APOO: variants seen among roughly 807,000 people sequenced by gnomAD.
APOO encodes the protein apolipoprotein O.
A neutral mutation model predicts 23.1 loss-of-function variants in APOO; 11 were observed. The ratio of observed to expected loss-of-function variants is 0.48; its 90% confidence interval spans 0.30 to 0.79. The LOEUF is 0.79. Among genes scored for constraint, APOO ranks in the 30% least tolerant of loss-of-function variants. The pLI is 0.07. For synonymous variants in APOO, 59 were observed against 54.8 expected, an observed-to-expected ratio of 1.08 and a Z score of -0.34; for missense variants, 160 against 142.7, an observed-to-expected ratio of 1.12 and a Z score of -0.62.
At chrX:23,885,671 T>C (rs1394559917) in intron 1 of APOO, among the ~76,000 whole-genome samples, 1 of 110,672 alleles carries the variant, frequency 9.0e-6, no homozygotes, top group Non-Finnish European at 1.9e-5. Flanking sequence ...CTAGTTTTAA[T>C]ATTATTCTAG....
At chrX:23,840,103 T>C (rs1465247971) in intron 8 of APOO, 1 of 274,324 alleles carries the variant, frequency 3.6e-6, no homozygotes, top group Non-Finnish European at 6.4e-6. Flanking sequence ...TGTCTGGTTC[T>C]AGCTTGTCTA....
chrX:23,891,146 T>A (rs747968214), intron 1 of APOO, among the ~76,000 whole-genome samples: 1 of 111,418 alleles, frequency 9.0e-6, no homozygotes, highest in East Asian at 2.8e-4. Flanking sequence ...TCTGCATAGC[T>A]CTTCAAGGTT....
At chrX:23,864,395 C>T (rs6629754) in intron 5 of APOO, among the ~76,000 whole-genome samples, 3 of 109,453 alleles carry the variant, frequency 2.7e-5, no homozygotes, top group South Asian at 7.9e-4. Context: ...CTCTGCCTCC[C>T]GGGTTCAAGT....
intron 7 of APOO, among the ~76,000 whole-genome samples, chrX:23,842,459 T>C (rs1411968292): frequency 9.0e-6 from 1 of 111,675 alleles, no homozygotes; most frequent in Non-Finnish European, 1.9e-5. Flanking sequence ...TGGGTTTCTA[T>C]TTTCTTAACA....
chrX:23,862,849 G>C (rs1925134335), intron 5 of APOO, among the ~76,000 whole-genome samples: 1 of 76,526 alleles, frequency 1.3e-5, no homozygotes, highest in Non-Finnish European at 2.5e-5. Flanking sequence ...AGGGAAGGGA[G>C]AAGGAGGGAG....
intron 1 of APOO, among the ~76,000 whole-genome samples, chrX:23,907,476 C>T (rs58120097): frequency 1.8e-3 from 201 of 112,557 alleles, no homozygotes; most frequent in African/African-American, 6.0e-3. Flanking sequence ...CAAAGGGCCG[C>T]CCCCACCCAC....
At chrX:23,835,851 G>A (rs1923640428) in intron 8 of APOO, among the ~76,000 whole-genome samples, 1 of 112,228 alleles carries the variant, frequency 8.9e-6, no homozygotes, top group Non-Finnish European at 1.9e-5. Flanking sequence ...TTCGGCCACA[G>A]CCAGAACATG....
intron 5 of APOO, among the ~76,000 whole-genome samples, chrX:23,867,113 CG>C (rs1925373942): frequency 2.2e-5 from 1 of 44,754 alleles, no homozygotes; most frequent in African/African-American, 2.1e-4. Flanking sequence ...TTAAGCTAAA[CG>C]AAACGAAACG....
intron 5 of APOO, among the ~76,000 whole-genome samples, 167 bp downstream of exon 5, chrX:23,868,426 T>C (rs1359990466): frequency 3.6e-5 from 4 of 112,360 alleles, no homozygotes; most frequent in African/African-American, 1.3e-4. Context: ...ACAATTTCTA[T>C]TTATGTTTAA....
chrX:23,844,662 AG>A (rs1419425885), intron 7 of APOO, among the ~76,000 whole-genome samples: 1 of 111,766 alleles, frequency 8.9e-6, no homozygotes, highest in Non-Finnish European at 1.9e-5. Flanking sequence ...ATTCCCCCCT[AG>A]GGCCTCTAGA....
In APOO at chrX:23,880,939, G is replaced by T; in HGVS notation, c.23C>A (p.Ser8Tyr). 8.5e-7 allele frequency: 1 copy of T among 1,179,120 alleles called. No individual in the cohort carries two copies. The highest frequency in any genetic ancestry group is 2.4e-5 in the Admixed American group (1 of 41,308). ...CAAGCTCAGGCTGGCTGGCCCCACG[G>T]ACCTCTGAATTACCTGAAATGCAGA... MFKVIQR[S>Y]VGPASLSLLT... The change falls in exon 2 of 9, where the codon TCC (serine) becomes TAC (tyrosine). Residue 8 changes from serine (S) to tyrosine (Y), a missense_variant. Coordinates refer to ENST00000379226, the MANE Select transcript of APOO (RefSeq NM_024122.5).
At chrX:23,834,193 G>A (rs1391493406) in intron 8 of APOO, among the ~76,000 whole-genome samples, 1 of 108,805 alleles carries the variant, frequency 9.2e-6, no homozygotes, top group Non-Finnish European at 1.9e-5. Context: ...TCAGGAGTTC[G>A]AGACCAGCCT....
chrX:23,872,732 A>G (rs1005690506), intron 4 of APOO, among the ~76,000 whole-genome samples: 1 of 110,537 alleles, frequency 9.0e-6, no homozygotes, highest in African/African-American at 3.3e-5. Context: ...AATACCTAAA[A>G]GAGTATAGCT....
At chrX:23,887,971 C>T (rs1926447591) in intron 1 of APOO, among the ~76,000 whole-genome samples, 1 of 112,014 alleles carries the variant, frequency 8.9e-6, no homozygotes, top group African/African-American at 3.2e-5. Context: ...CCCATAGTCA[C>T]AGAGAAAACG....
chrX:23,884,785 G>A (rs1337488533), intron 1 of APOO, among the ~76,000 whole-genome samples: 2 of 111,331 alleles, frequency 1.8e-5, no homozygotes, highest in Non-Finnish European at 1.9e-5. Flanking sequence ...TAGATTTTAA[G>A]TGACCTTGGG....
intron 4 of APOO, among the ~76,000 whole-genome samples, chrX:23,872,565 G>A (rs12835335): frequency 6.3e-4 from 64 of 102,301 alleles, no homozygotes; most frequent in Non-Finnish European, 1.2e-3. Flanking sequence ...TGGGTACATA[G>A]TAGGTGTATA....
chrX:23,852,708 A>T (rs1032103776), intron 7 of APOO, among the ~76,000 whole-genome samples: 1 of 111,191 alleles, frequency 9.0e-6, no homozygotes, highest in Non-Finnish European at 1.9e-5. Context: ...TAAGAAACAA[A>T]AAAGTCCCCT....
At chrX:23,867,133 CGAAA>C (rs1925377988) in intron 5 of APOO, among the ~76,000 whole-genome samples, 1 of 110,315 alleles carries the variant, frequency 9.1e-6, no homozygotes, top group African/African-American at 3.3e-5. Context: ...CGAAACGAAA[CGAAA>C]CGAAACGAAA....
At chrX:23,893,271 A>C (rs181401107) in intron 1 of APOO, among the ~76,000 whole-genome samples, 52 of 107,586 alleles carry the variant, frequency 4.8e-4, no homozygotes, top group Non-Finnish European at 7.3e-4. Context: ...CAAAAAAAAA[A>C]AAAACAAAAC....
Sources: allele counts gnomAD v4.1 joint callset (sites outside exome capture counted in the v4.1 genomes callset), GRCh38; gene constraint gnomAD v4.1.1; transcripts MANE v1.5; gene names NCBI Gene and HGNC (gene_info 2026-07-23, HGNC 2026-07-21).